Variants in KSR1 observed in about 807,000 individuals in gnomAD.
KSR1 encodes kinase suppressor of ras 1.
A neutral mutation model predicts 92.9 loss-of-function variants in KSR1; 35 were observed. That is an observed-to-expected ratio of 0.38 (90% CI 0.29 to 0.50). The LOEUF (loss-of-function observed/expected upper bound fraction) is 0.50, where lower values mean the gene tolerates loss of function less well. Ranked by LOEUF, KSR1 falls within the 20% of genes least tolerant of loss-of-function variation. The pLI is 0.94. For synonymous variants in KSR1, 467 were observed against 472.6 expected, an observed-to-expected ratio of 0.99 and a Z score of 0.15; for missense variants, 972 against 1,158.5, an observed-to-expected ratio of 0.84 and a Z score of 2.34.
chr17:27,508,603 C>T (rs1250784879), intron 1 of KSR1, among the ~76,000 whole-genome samples: 2 of 152,148 alleles, frequency 1.3e-5, no homozygotes, highest in East Asian at 3.8e-4. Context: ...ACAAAGGGGA[C>T]TGGACACTTG....
intron 19 of KSR1, among the ~76,000 whole-genome samples, chr17:27,619,400 T>C (rs1438805678): frequency 1.3e-5 from 2 of 151,800 alleles, no homozygotes; most frequent in African/African-American, 4.8e-5. Flanking sequence ...TGTATCTTTT[T>C]TTTTTTTTTT....
At chr17:27,510,770 T>C (rs573767489) in intron 1 of KSR1, among the ~76,000 whole-genome samples, 1 of 152,354 alleles carries the variant, frequency 6.6e-6, no homozygotes, top group African/African-American at 2.4e-5. Flanking sequence ...GCTTATCTAA[T>C]GTCTTTTAAA....
chr17:27,491,037 A>G (rs765042084), intron 1 of KSR1, among the ~76,000 whole-genome samples: 10 of 152,040 alleles, frequency 6.6e-5, no homozygotes, highest in Non-Finnish European at 1.0e-4. Context: ...TTAAAAAACC[A>G]TATGTATATG....
chr17:27,556,654 T>C (rs937850841), intron 2 of KSR1, among the ~76,000 whole-genome samples: 2 of 152,208 alleles, frequency 1.3e-5, no homozygotes, highest in Non-Finnish European at 2.9e-5. Flanking sequence ...TTCCTGTCCC[T>C]GTATGTTTCC....
chr17:27,562,656 A>G (rs966570162), intron 2 of KSR1, among the ~76,000 whole-genome samples: 3 of 152,222 alleles, frequency 2.0e-5, no homozygotes, highest in African/African-American at 4.8e-5. Flanking sequence ...AGATCTGACT[A>G]TGGCCAGATA....
chr17:27,598,512 G>A (rs1280083753), intron 10 of KSR1, among the ~76,000 whole-genome samples: 4 of 152,178 alleles, frequency 2.6e-5, no homozygotes, highest in Admixed American at 6.5e-5. Context: ...CAGCACGCAC[G>A]TGGCTGGATA....
intron 2 of KSR1, among the ~76,000 whole-genome samples, chr17:27,570,241 C>T (rs1251135761): frequency 1.3e-5 from 2 of 152,170 alleles, no homozygotes; most frequent in African/African-American, 4.8e-5. Context: ...GGAAAAAGGG[C>T]TCACTTCATA....
intron 12 of KSR1, among the ~76,000 whole-genome samples, 200 bp from the exon 13 acceptor site, chr17:27,604,480 A>G (rs1036577394): frequency 6.6e-6 from 1 of 152,174 alleles, no homozygotes; most frequent in African/African-American, 2.4e-5. Context: ...AAGTTAGCCT[A>G]GGGAAGGCTG....
chr17:27,493,598 G>A (rs2068890422), intron 1 of KSR1, among the ~76,000 whole-genome samples: 2 of 152,160 alleles, frequency 1.3e-5, no homozygotes, highest in Admixed American at 6.5e-5. Flanking sequence ...AGGGAAATGT[G>A]TTCTTAATCT....
intron 1 of KSR1, among the ~76,000 whole-genome samples, chr17:27,499,316 A>G (rs558179189): frequency 6.6e-6 from 1 of 152,274 alleles, no homozygotes; most frequent in African/African-American, 2.4e-5. Context: ...CCTAGGACTT[A>G]TTTTCCTGGG....
At chr17:27,610,030 A>T (rs1198054283) in intron 16 of KSR1, 37 bp from the exon 17 acceptor site, 2 of 1,610,926 alleles carry the variant, frequency 1.2e-6, no homozygotes, top group South Asian at 2.2e-5. Flanking sequence ...TGCCTGCTGA[A>T]AGGCCTGTGT....
chr17:27,473,991 C>G (rs1017858496), intron 1 of KSR1, among the ~76,000 whole-genome samples: 11 of 152,292 alleles, frequency 7.2e-5, no homozygotes, highest in African/African-American at 2.6e-4. Flanking sequence ...CTCGTTTACT[C>G]ACAATACCTG....
chr17:27,461,632 A>C (rs1365443136), intron 1 of KSR1, among the ~76,000 whole-genome samples: 1 of 152,026 alleles, frequency 6.6e-6, no homozygotes. Flanking sequence ...CCCTGGTGAA[A>C]CCTACCTCCC....
At chr17:27,600,806 G>T (rs1327735201) in intron 10 of KSR1, among the ~76,000 whole-genome samples, 1 of 152,226 alleles carries the variant, frequency 6.6e-6, no homozygotes, top group Non-Finnish European at 1.5e-5. Flanking sequence ...GAGACAGCTG[G>T]AGAGGTTAGC....
intron 1 of KSR1, among the ~76,000 whole-genome samples, chr17:27,531,242 A>T (rs185338211): frequency 2.6e-5 from 4 of 152,350 alleles, no homozygotes; most frequent in African/African-American, 9.6e-5. Context: ...AAAGCTCAAG[A>T]TGTTGAACCT....
chr17:27,557,661 A>G (rs1281773908), intron 2 of KSR1, among the ~76,000 whole-genome samples: 1 of 152,114 alleles, frequency 6.6e-6, no homozygotes, highest in East Asian at 1.9e-4. Context: ...AGATTAAGTG[A>G]CCTTTTAAGT....
At chr17:27,583,631 G>C (rs1038210474) in intron 4 of KSR1, among the ~76,000 whole-genome samples, 2 of 152,240 alleles carry the variant, frequency 1.3e-5, no homozygotes, top group African/African-American at 4.8e-5. Context: ...ACGCCCAGGA[G>C]GGGAGAACTG....
At chr17:27,560,561 G>A in intron 2 of KSR1, 1 of 506,016 alleles carries the variant, frequency 2.0e-6, no homozygotes, top group Non-Finnish European at 4.0e-6. Flanking sequence ...CAGAGATGGG[G>A]GACAAAGCTG....
chr17:27,540,354 G>A (rs2070911686), intron 1 of KSR1, among the ~76,000 whole-genome samples: 1 of 152,232 alleles, frequency 6.6e-6, no homozygotes, highest in African/African-American at 2.4e-5. Context: ...TCCCAGTGGA[G>A]CATAGGGAAG....
Sources: gnomAD v4.1 joint callset for allele counts (sites outside exome capture counted in the v4.1 genomes callset) on GRCh38, gnomAD v4.1.1 for gene constraint, MANE v1.5 for transcripts, NCBI Gene and HGNC (gene_info 2026-07-23, HGNC 2026-07-21) for gene names.